AGAP1: variants seen among roughly 807,000 people sequenced by gnomAD.
AGAP1 encodes ArfGAP with GTPase domain, ankyrin repeat and PH domain 1.
AGAP1 carries 29 observed loss-of-function variants against 105.3 expected under a neutral mutation model. The observed-to-expected ratio is 0.28, with a 90% CI of 0.21 to 0.38. The LOEUF (loss-of-function observed/expected upper bound fraction) is 0.38, where lower values mean the gene tolerates loss of function less well. Ranked by LOEUF, AGAP1 falls within the 10% of genes least tolerant of loss-of-function variation. The pLI is 1.00. For missense variants in AGAP1, 998 were observed against 1,165.1 expected, an observed-to-expected ratio of 0.86 and a Z score of 2.09; for synonymous variants, 509 against 485.9, an observed-to-expected ratio of 1.05 and a Z score of -0.63.
chr2:235,619,636 A>G (rs2149268122), intron 1 of AGAP1, among the ~76,000 whole-genome samples: 1 of 152,298 alleles, frequency 6.6e-6, no homozygotes, highest in South Asian at 2.1e-4. Context: ...CTCCCTGCAG[A>G]TGCAGCTCTT....
In AGAP1 at chr2:236,087,678, AGTCT is replaced by A. The variant is rs2058967912; in HGVS notation, c.2115-32513_2115-32510del. Among the ~76,000 whole-genome samples, 1 of 151,814 alleles carries A rather than the reference AGTCT, an allele frequency of 6.6e-6. No individual in the cohort carries two copies. Among genetic ancestry groups the A allele is most frequent in the African/African-American group, 2.4e-5 (1 of 41,454 alleles). ...TCTGTTTCCATGTGGTGCCGTGAAT[AGTCT>A]CATAAGCCATGTAAGTGGCCTTATT... On this transcript the variant is annotated intron_variant, in intron 16 of 17. Transcript: ENST00000304032. The surrounding 1 kb of genome is among the most constrained non-coding windows in gnomAD (Gnocchi z 5.7).
At chr2:236,041,216 C>T (rs577774329) in intron 15 of AGAP1, among the ~76,000 whole-genome samples, 1 of 151,986 alleles carries the variant, frequency 6.6e-6, no homozygotes, top group East Asian at 1.9e-4. Flanking sequence ...TAAAAATTAA[C>T]TAGGCGTGGC....
In AGAP1 at chr2:235,566,843, C is replaced by T. The variant is rs1436489884; in HGVS notation, c.163+71994C>T. ...AAAACAACAGAACATCATTCTTTTA[C>T]AGTTCTGGAGGCCTGAAGCCCAGGA... is the stretch of plus-strand genomic sequence containing the variant. On this transcript the variant is annotated intron_variant, in intron 1 of 17. Transcript: ENST00000304032. The surrounding 1 kb of genome is among the most constrained non-coding windows in gnomAD (Gnocchi z 5.2). Among the ~76,000 whole-genome samples the T allele has an allele frequency of 6.6e-6, 1 of 152,228 alleles. No individual in the cohort carries two copies. Among genetic ancestry groups the T allele is most frequent in the African/African-American group, 2.4e-5 (1 of 41,470 alleles).
chr2:236,036,610 A>T lies in AGAP1; in HGVS notation c.1695A>T (p.Thr565=), dbSNP rs775102730. ...EFIIVSLTGQ[T]WHFEATTYEE... is the part of the protein sequence containing the mutation. Reference sequence around the variant, plus strand: ...TCATTGTGTCCCTCACTGGCCAAACATGGCACTTTGAAGCCACGACGTATG... The same window carrying T: ...TCATTGTGTCCCTCACTGGCCAAACTTGGCACTTTGAAGCCACGACGTATG... Residue 565 remains threonine, a synonymous_variant, in exon 14 of 18, where the codon ACA becomes ACT. Transcript: ENST00000304032. This position sits in a 1 kb window ranked among gnomAD's most constrained non-coding sequence, Gnocchi z 5.7. The T allele has an allele frequency of 6.2e-6, 10 of 1,614,220 alleles. No homozygotes were observed. The South Asian group carries it at 1.1e-4, about 18-fold the overall frequency.
chr2:235,673,917 A>G (rs1010895208), intron 1 of AGAP1, among the ~76,000 whole-genome samples: 2 of 152,244 alleles, frequency 1.3e-5, no homozygotes, highest in South Asian at 2.1e-4. Flanking sequence ...GCATTAGTCT[A>G]TTTGGCTTAG....
At chr2:235,619,898 C>T (rs1346812125) in intron 1 of AGAP1, among the ~76,000 whole-genome samples, 1 of 152,180 alleles carries the variant, frequency 6.6e-6, no homozygotes, top group African/African-American at 2.4e-5. Flanking sequence ...CGCAGCCAGA[C>T]TATATGCTGG....
chr2:235,859,228 T>C (rs941585664), intron 9 of AGAP1, among the ~76,000 whole-genome samples: 1 of 152,126 alleles, frequency 6.6e-6, no homozygotes, highest in African/African-American at 2.4e-5. Flanking sequence ...ACATATTGTT[T>C]CTTTTGTTAA....
Position 235,961,800 on chromosome 2 carries a change from C to T in AGAP1, c.1484-6662C>T, listed in dbSNP as rs951157879. ...AGGAGAATCTCTTGAACCCAGGAGG[C>T]AGAGGTGGCAGTGAGCCGAGATCAC... is the stretch of plus-strand genomic sequence containing the variant. On this transcript the variant is annotated intron_variant, in intron 12 of 17. Transcript: ENST00000304032. The surrounding 1 kb of genome is among the most constrained non-coding windows in gnomAD (Gnocchi z 5.9). 1.5e-4 allele frequency among the ~76,000 whole-genome samples: 23 copies of T among 152,180 alleles called. No homozygotes were observed. Among genetic ancestry groups the T allele is most frequent in the African/African-American group, 5.3e-4 (22 of 41,450 alleles).
chr2:236,069,563 A>G (rs2058443304), intron 16 of AGAP1, among the ~76,000 whole-genome samples: 1 of 152,176 alleles, frequency 6.6e-6, no homozygotes, highest in Non-Finnish European at 1.5e-5. Context: ...AGCTGGGATT[A>G]CAGGCACACG....
chr2:235,829,469 G>A (rs954836217), intron 9 of AGAP1, among the ~76,000 whole-genome samples: 1 of 152,208 alleles, frequency 6.6e-6, no homozygotes, highest in Non-Finnish European at 1.5e-5. Context: ...GCAAGAAAGG[G>A]CACAGCATTT....
At chr2:235,727,599 T>A (rs1951711447) in intron 3 of AGAP1, among the ~76,000 whole-genome samples, 1 of 152,230 alleles carries the variant, frequency 6.6e-6, no homozygotes, top group African/African-American at 2.4e-5. Flanking sequence ...ATGTTATACA[T>A]TGTTTGGATC....
chr2:236,030,089 A>C (rs1372026688), intron 13 of AGAP1, among the ~76,000 whole-genome samples: 1 of 152,208 alleles, frequency 6.6e-6, no homozygotes, highest in Non-Finnish European at 1.5e-5. Context: ...TCAAGTCTAC[A>C]CTGTTATTTT....
At chr2:235,497,818 C>T (rs1017313784) in intron 1 of AGAP1, among the ~76,000 whole-genome samples, 4 of 152,062 alleles carry the variant, frequency 2.6e-5, no homozygotes, top group Non-Finnish European at 5.9e-5. Flanking sequence ...GTATGGTCTC[C>T]GTCTCCTAAC....
intron 1 of AGAP1, among the ~76,000 whole-genome samples, chr2:235,645,630 C>T (rs1185780592): frequency 6.6e-6 from 1 of 152,070 alleles, no homozygotes; most frequent in Non-Finnish European, 1.5e-5. Flanking sequence ...CAGGGGCACA[C>T]AGCATTGCAC....
At chr2:235,643,415 G>A (rs1380656115) in intron 1 of AGAP1, among the ~76,000 whole-genome samples, 2 of 93,090 alleles carry the variant, frequency 2.1e-5, no homozygotes, top group African/African-American at 9.4e-5. Context: ...TGGGCAACAA[G>A]AGAGAGACTG....
At position 235,692,566 on chromosome 2, in the gene AGAP1, C is replaced by A. The variant is rs1329104152; in HGVS notation, c.164-16613C>A. The stretch of plus-strand genomic sequence containing the variant: ...CCCTGCTGCCCCTATGCTCTCCCCC[C>A]TTGCCCTCCCCCCTTGCCTTCCTGG... On this transcript the variant is annotated intron_variant, in intron 1 of 17. Coordinates refer to ENST00000304032, the MANE Select transcript of AGAP1 (RefSeq NM_001037131.3). This position sits in a 1 kb window ranked among gnomAD's most constrained non-coding sequence, Gnocchi z 5.8. Among the ~76,000 whole-genome samples, 1 of 150,408 alleles carries A rather than the reference C, an allele frequency of 6.6e-6. No individual in the cohort carries two copies. The highest frequency in any genetic ancestry group is 1.5e-5 in the Non-Finnish European group (1 of 67,986).
chr2:235,516,150 T>G (rs375613665), intron 1 of AGAP1, among the ~76,000 whole-genome samples: 1 of 152,124 alleles, frequency 6.6e-6, no homozygotes, highest in East Asian at 1.9e-4. Flanking sequence ...CTCCCCGACT[T>G]CATGGTTGGA....
intron 1 of AGAP1, among the ~76,000 whole-genome samples, chr2:235,508,915 A>G (rs1462964666): frequency 6.6e-6 from 1 of 152,230 alleles, no homozygotes; most frequent in East Asian, 1.9e-4. Context: ...CAGAGCCGGA[A>G]GTGGCAGAAT....
At chr2:235,828,969 G>A (rs933340937) in intron 9 of AGAP1, among the ~76,000 whole-genome samples, 2 of 152,218 alleles carry the variant, frequency 1.3e-5, no homozygotes, top group Non-Finnish European at 2.9e-5. Flanking sequence ...GGGGTCAGGT[G>A]TCATTGTCTT....
Sources: allele counts gnomAD v4.1 joint callset (sites outside exome capture counted in the v4.1 genomes callset), GRCh38; gene constraint gnomAD v4.1.1; non-coding constraint Gnocchi (gnomAD v3.1); transcripts MANE v1.5; gene names NCBI Gene and HGNC (gene_info 2026-07-23, HGNC 2026-07-21).